Variants in SLC23A2 observed in about 807,000 individuals in gnomAD.
The protein encoded by SLC23A2 is solute carrier family 23 member 2.
In SLC23A2, 36 loss-of-function variants were observed where a neutral mutation model predicts 73.3. That is an observed-to-expected ratio of 0.49 (90% confidence interval 0.38 to 0.65). SLC23A2 has a LOEUF of 0.65. SLC23A2 is among the 30% of genes least tolerant of loss of function. SLC23A2 has a pLI of 0.00. For missense variants in SLC23A2, 507 were observed against 841.6 expected (o/e 0.60, Z 4.92); for synonymous variants, 343 against 327.3 (o/e 1.05, Z -0.52).
intron 4 of SLC23A2, among the ~76,000 whole-genome samples, chr20:4,903,941 GTTGAGTCTTGCCTGGTACGTGGGGGA>G (rs1020141507): frequency 3.9e-5 from 6 of 152,148 alleles, no homozygotes; most frequent in Non-Finnish European, 8.8e-5. Context: ...CAAAGAAAGG[GTTGAGTCTTGCCTGGTACGTGGGGGA>G]TAACCTGAGC....
chr20:4,937,055 A>G (rs2086971700), intron 2 of SLC23A2, among the ~76,000 whole-genome samples: 1 of 145,732 alleles, frequency 6.9e-6, no homozygotes, highest in South Asian at 2.1e-4. Context: ...ACACGCCATA[A>G]AAAGCCCAAA....
chr20:4,860,183 A>C (rs1389362547), intron 15 of SLC23A2, among the ~76,000 whole-genome samples: 1 of 152,240 alleles, frequency 6.6e-6, no homozygotes, highest in African/African-American at 2.4e-5. Flanking sequence ...ATTATTCATG[A>C]ATTACGTGTT....
chr20:4,961,287 T>G lies in SLC23A2; in HGVS notation c.-155+9506A>C, dbSNP rs965231054. Among the ~76,000 whole-genome samples the G allele has an allele frequency of 3.9e-5, 6 of 152,048 alleles. No homozygotes were observed. In the South Asian group the frequency reaches 8.3e-4, roughly 21 times the overall value. On this transcript the variant is annotated intron_variant, in intron 2 of 16. Coordinates refer to ENST00000338244, the MANE Select transcript of SLC23A2 (RefSeq NM_005116.6). ...TAGTAGAGACGGGGTTTCACCTTGT[T>G]AGCCAGGATGGTCTCGATCTCCCTG... is the stretch of plus-strand genomic sequence containing the variant.
intron 2 of SLC23A2, among the ~76,000 whole-genome samples, chr20:4,949,421 A>G (rs2087165719): frequency 6.6e-6 from 1 of 152,208 alleles, no homozygotes; most frequent in Non-Finnish European, 1.5e-5. Flanking sequence ...AAAGTAAATA[A>G]GCACCTGAAA....
intron 5 of SLC23A2, among the ~76,000 whole-genome samples, chr20:4,901,240 G>C (rs1356507654): frequency 6.6e-6 from 1 of 152,078 alleles, no homozygotes; most frequent in Non-Finnish European, 1.5e-5. Flanking sequence ...CCTGAAACGG[G>C]GTGAGGGAAG....
At chr20:5,001,029 C>T (rs980773477) in intron 1 of SLC23A2, among the ~76,000 whole-genome samples, 27 of 152,064 alleles carry the variant, frequency 1.8e-4, no homozygotes, top group Non-Finnish European at 3.8e-4. Context: ...GCGCAGAGCC[C>T]GGGAGGAGGC....
intron 4 of SLC23A2, among the ~76,000 whole-genome samples, chr20:4,910,405 A>G (rs1932100317): frequency 6.7e-6 from 1 of 149,988 alleles, no homozygotes; most frequent in Non-Finnish European, 1.5e-5. Context: ...CAGCCCGCTG[A>G]GGGTCTGGCT....
intron 6 of SLC23A2, among the ~76,000 whole-genome samples, chr20:4,895,437 C>A (rs1931483495): frequency 6.6e-6 from 1 of 152,164 alleles, no homozygotes; most frequent in Non-Finnish European, 1.5e-5. Context: ...TCTATCTAAG[C>A]AACTAGCAGA....
At chr20:4,986,632 A>T (rs1171377600) in intron 1 of SLC23A2, among the ~76,000 whole-genome samples, 9 of 135,054 alleles carry the variant, frequency 6.7e-5, no homozygotes, top group African/African-American at 2.3e-4. Context: ...TTTGTCTGAG[A>T]TACATACATA....
chr20:4,910,709 T>A (rs1364406382), intron 4 of SLC23A2, among the ~76,000 whole-genome samples: 2 of 152,198 alleles, frequency 1.3e-5, no homozygotes, highest in Non-Finnish European at 2.9e-5. Context: ...GTGCTGTGAT[T>A]GCAGGCATGA....
In SLC23A2 at chr20:4,854,900, A is replaced by C. The variant is rs1056829337; in HGVS notation, c.*2072T>G. 3 of 152,378 alleles carry C rather than the reference A, an allele frequency of 2.0e-5. No homozygotes were observed. Among genetic ancestry groups the C allele is most frequent in the African/African-American group, 7.2e-5 (3 of 41,416 alleles). The allele number at this position is 152,378 out of a possible 1,614,324, so 9.4% of individuals were successfully genotyped here. On this transcript the variant is annotated 3_prime_UTR_variant, in exon 17 of 17. Coordinates refer to ENST00000338244, the MANE Select transcript of SLC23A2 (RefSeq NM_005116.6). ...ATTGCAAATCTCTGGGATGTTTAGC[A>C]GTTTTCCCCATTTTTCAGAGCAGAG...
intron 2 of SLC23A2, among the ~76,000 whole-genome samples, chr20:4,935,391 C>T (rs1175198999): frequency 6.6e-6 from 1 of 152,104 alleles, no homozygotes; most frequent in Non-Finnish European, 1.5e-5. Flanking sequence ...TGCCACAGCC[C>T]CCGCCACTTA....
chr20:4,937,388 G>A (rs1290763205), intron 2 of SLC23A2, among the ~76,000 whole-genome samples: 1 of 152,138 alleles, frequency 6.6e-6, no homozygotes, highest in East Asian at 1.9e-4. Context: ...AAATCCACTC[G>A]CTGTCTTGGC....
At position 4,874,705 on chromosome 20, in the gene SLC23A2, A is replaced by G. The variant is rs747395850; in HGVS notation, c.825-9T>C. On this transcript the variant is annotated splice_polypyrimidine_tract_variant and intron_variant, in intron 9 of 16. Coordinates refer to ENST00000338244, the MANE Select transcript of SLC23A2 (RefSeq NM_005116.6). The stretch of plus-strand genomic sequence containing the variant: ...ATACTAGGAATATTGTCCTGAGGAG[A>G]GAAAGAAAACAAACTAGGTCAAAAG... 44 of 1,576,620 alleles carry G rather than the reference A, an allele frequency of 2.8e-5. No homozygotes were observed. Among genetic ancestry groups the G allele is most frequent in the African/African-American group, 4.1e-5 (3 of 73,452 alleles).
chr20:4,902,563 G>T lies in SLC23A2; in HGVS notation c.208-5C>A. 5 of 1,538,724 alleles carry T rather than the reference G, an allele frequency of 3.2e-6. No homozygotes were observed. The highest frequency in any genetic ancestry group is 3.6e-6 in the Non-Finnish European group (4 of 1,117,758). On this transcript the variant is annotated splice_region_variant and splice_polypyrimidine_tract_variant and intron_variant, in intron 4 of 16. Transcript: ENST00000338244. This position sits in a 1 kb window ranked among gnomAD's most constrained non-coding sequence, Gnocchi z 4.0. ...CAGGGTCTCAGCGAGAGAGCTCTGC[G>T]AGCCAGAAGGAGAAAAGAAGGTGCT...
At chr20:4,990,405 A>C (rs1360195533) in intron 1 of SLC23A2, among the ~76,000 whole-genome samples, 1 of 151,880 alleles carries the variant, frequency 6.6e-6, no homozygotes, top group African/African-American at 2.4e-5. Context: ...AGTCTCACTC[A>C]GTGGCCTGGG....
intron 4 of SLC23A2, among the ~76,000 whole-genome samples, chr20:4,907,899 A>C: frequency 6.6e-6 from 1 of 152,184 alleles, no homozygotes; most frequent in African/African-American, 2.4e-5. Context: ...GGGAAACTGG[A>C]AATAAACATG....
chr20:5,009,675 G>A (rs984605094), intron 1 of SLC23A2, among the ~76,000 whole-genome samples: 3 of 152,192 alleles, frequency 2.0e-5, no homozygotes, highest in East Asian at 1.9e-4. Context: ...GGGGCTGCCC[G>A]CTGATGAGAG....
chr20:4,927,676 T>C (rs903378156), intron 3 of SLC23A2, among the ~76,000 whole-genome samples: 3 of 152,190 alleles, frequency 2.0e-5, no homozygotes, highest in East Asian at 1.9e-4. Context: ...AGCCAACATA[T>C]ACCCAATCAG....
Sources: allele counts gnomAD v4.1 joint callset (sites outside exome capture counted in the v4.1 genomes callset), GRCh38; gene constraint gnomAD v4.1.1; non-coding constraint Gnocchi (gnomAD v3.1); transcripts MANE v1.5; gene names NCBI Gene and HGNC (gene_info 2026-07-23, HGNC 2026-07-21).